The following CSMD2 variants were observed in gnomAD, a reference collection of about 807,000 sequenced individuals.
CSMD2 encodes CUB and Sushi multiple domains 2.
In CSMD2, 130 loss-of-function variants were observed where a neutral mutation model predicts 398.5. The ratio of observed to expected loss-of-function variants is 0.33; its 90% confidence interval spans 0.28 to 0.38. The LOEUF (loss-of-function observed/expected upper bound fraction) is 0.38. Among genes scored for constraint, CSMD2 ranks in the 10% least tolerant of loss-of-function variants. CSMD2 has a pLI of 1.00. For synonymous variants in CSMD2, 1,828 were observed against 1,908.5 expected (o/e 0.96, Z 1.10); for missense variants, 3,829 against 4,764.9 (o/e 0.80, Z 5.78).
intron 46 of CSMD2, among the ~76,000 whole-genome samples, chr1:33,584,784 A>C (rs1171012437): frequency 6.6e-6 from 1 of 151,658 alleles, no homozygotes; most frequent in Non-Finnish European, 1.5e-5. Context: ...TGCATCTTGA[A>C]CAGAAAGGTC....
At chr1:33,529,320 TA>T (rs1655047509) in intron 64 of CSMD2, among the ~76,000 whole-genome samples, 1 of 152,164 alleles carries the variant, frequency 6.6e-6, no homozygotes, top group African/African-American at 2.4e-5. Flanking sequence ...TCTTTACTTT[TA>T]TTTTTTTGTA....
At chr1:34,110,985 T>C (rs1006586334) in intron 1 of CSMD2, among the ~76,000 whole-genome samples, 2 of 152,198 alleles carry the variant, frequency 1.3e-5, no homozygotes, top group East Asian at 3.8e-4. Context: ...ACCTGCTCTA[T>C]GTTTTCTTAT....
rs199866272 is a variant in CSMD2, at chr1:33,864,703, G to C, written c.921-17707C>G. ...CAATGTAATGCCAGGAAGAAGTACC[G>C]AATGTCAGCTAGAAACCGGTGCAGA... On this transcript the variant is annotated intron_variant, in intron 5 of 70. Coordinates refer to ENST00000373381, the MANE Select transcript of CSMD2 (RefSeq NM_001281956.2). The C allele has an allele frequency of 1.9e-6, 3 of 1,613,224 alleles. No individual in the cohort carries two copies. In the African/African-American group the frequency reaches 4.0e-5, roughly 22 times the overall value.
rs78534423 is a variant in CSMD2 at position 34,045,651 on chromosome 1, C to A, written c.405-12945G>T. On this transcript the variant is annotated intron_variant, in intron 2 of 70. Transcript: ENST00000373381. ...CAAATCCCCATATACAGTACACTTT[C>A]TAGGATGTGGACTCTCTTTAGAAGC... is the stretch of plus-strand genomic sequence containing the variant. Among the ~76,000 whole-genome samples, 431 of 152,264 alleles carry A rather than the reference C, an allele frequency of 2.8e-3. 2 individuals carry two copies. Among genetic ancestry groups the A allele is most frequent in the African/African-American group, 9.6e-3 (399 of 41,566 alleles).
chr1:34,018,349 C>T (rs1648422190), intron 3 of CSMD2, among the ~76,000 whole-genome samples: 1 of 152,146 alleles, frequency 6.6e-6, no homozygotes, highest in Non-Finnish European at 1.5e-5. Context: ...ATGCTGAAAT[C>T]AACACTTTCA....
At chr1:33,935,581 A>T (rs1644453014) in intron 4 of CSMD2, among the ~76,000 whole-genome samples, 179 bp downstream of exon 4, 1 of 152,164 alleles carries the variant, frequency 6.6e-6, no homozygotes, top group Admixed American at 6.5e-5. Context: ...AGGTCAGGTG[A>T]GGTTGAAATA....
intron 1 of CSMD2, among the ~76,000 whole-genome samples, chr1:34,157,284 G>A (rs1476048231): frequency 6.6e-6 from 1 of 152,132 alleles, no homozygotes; most frequent in African/African-American, 2.4e-5. Context: ...TCCTGGTCAG[G>A]AAGATGAAGA....
chr1:33,652,211 C>T, intron 28 of CSMD2, 112 bp downstream of exon 28: 1 of 1,129,732 alleles, frequency 8.9e-7, no homozygotes, highest in Non-Finnish European at 1.3e-6. Context: ...CTTCACCTCC[C>T]TGGAGCTGAG....
At chr1:34,122,115 C>T (rs899005715) in intron 1 of CSMD2, among the ~76,000 whole-genome samples, 2 of 151,760 alleles carry the variant, frequency 1.3e-5, no homozygotes, top group Non-Finnish European at 2.9e-5. Context: ...ATTTTGTTCC[C>T]GGGGATATCT....
chr1:34,126,927 A>G (rs1662801827), intron 1 of CSMD2, among the ~76,000 whole-genome samples: 1 of 152,074 alleles, frequency 6.6e-6, no homozygotes, highest in Non-Finnish European at 1.5e-5. Flanking sequence ...CAGGGACTCA[A>G]AGAAAAGAAC....
At chr1:33,864,790 T>G in intron 5 of CSMD2, 1 of 1,527,084 alleles carries the variant, frequency 6.5e-7, no homozygotes, top group Non-Finnish European at 8.9e-7. Context: ...CATTCAACCG[T>G]ATTTCCTGTT....
chr1:34,033,207 G>A (rs1283107252), intron 2 of CSMD2, among the ~76,000 whole-genome samples: 1 of 152,010 alleles, frequency 6.6e-6, no homozygotes, highest in African/African-American at 2.4e-5. Flanking sequence ...TTTAAAGAAA[G>A]CAAAAAATAA....
At chr1:34,084,178 AT>A (rs1481199553) in intron 2 of CSMD2, among the ~76,000 whole-genome samples, 1 of 152,152 alleles carries the variant, frequency 6.6e-6, no homozygotes, top group African/African-American at 2.4e-5. Context: ...CTGGGGACAC[AT>A]CTGATTCTTC....
chr1:33,720,691 A>C (rs1162073133), intron 19 of CSMD2, among the ~76,000 whole-genome samples: 1 of 152,012 alleles, frequency 6.6e-6, no homozygotes, highest in African/African-American at 2.4e-5. Flanking sequence ...CAGCTATTTT[A>C]TTTTATTTTA....
rs569473515 is a variant in CSMD2, at chr1:33,865,557, C to T, written c.921-18561G>A. ...GGATAAGAGGGCAGGATCGCCTTGG[C>T]CACAGTCATTGGCTCAGTGGTGGGC... On this transcript the variant is annotated intron_variant, in intron 5 of 70. Coordinates refer to ENST00000373381, the MANE Select transcript of CSMD2 (RefSeq NM_001281956.2). Among the ~76,000 whole-genome samples the T allele has an allele frequency of 1.0e-3, 156 of 152,232 alleles. 1 individual carries two copies. Among genetic ancestry groups the T allele is most frequent in the African/African-American group, 3.7e-3 (153 of 41,548 alleles).
intron 5 of CSMD2, among the ~76,000 whole-genome samples, chr1:33,906,747 G>C (rs557176979): frequency 6.6e-6 from 1 of 152,308 alleles, no homozygotes; most frequent in East Asian, 1.9e-4. Context: ...TGGCTCTACA[G>C]TTTGACTGGC....
chr1:33,735,859 T>G (rs1445078491), intron 15 of CSMD2, among the ~76,000 whole-genome samples: 3 of 152,138 alleles, frequency 2.0e-5, no homozygotes, highest in Non-Finnish European at 2.9e-5. Flanking sequence ...AAGACAAAGA[T>G]GCTGATTGCA....
intron 55 of CSMD2, among the ~76,000 whole-genome samples, chr1:33,555,515 A>C (rs79122852): frequency 6.4e-4 from 98 of 152,320 alleles, no homozygotes; most frequent in African/African-American, 2.3e-3. Context: ...GTGTAGGTAA[A>C]ATGCTATCAA....
chr1:34,025,526 C>T (rs774102641), intron 3 of CSMD2, among the ~76,000 whole-genome samples: 7 of 152,110 alleles, frequency 4.6e-5, no homozygotes, highest in Non-Finnish European at 1.0e-4. Context: ...GGCCACAGGG[C>T]ATCTGTAAAC....
Sources: allele counts gnomAD v4.1 joint callset (sites outside exome capture counted in the v4.1 genomes callset), GRCh38; gene constraint gnomAD v4.1.1; transcripts MANE v1.5; gene names NCBI Gene and HGNC (gene_info 2026-07-23, HGNC 2026-07-21).